PRELID2: variants seen among roughly 807,000 people sequenced by gnomAD.
PRELID2 encodes PRELI domain containing 2.
PRELID2 carries 25 observed loss-of-function variants against 28.4 expected under a neutral mutation model. The observed-to-expected ratio is 0.88, with a 90% CI of 0.64 to 1.23. The LOEUF is 1.23. Among genes scored for constraint, PRELID2 ranks in the 50% most tolerant of loss-of-function variants. PRELID2 has a pLI of 0.00. For missense variants in PRELID2, 201 were observed against 214.4 expected, an observed-to-expected ratio of 0.94 and a Z score of 0.39; for synonymous variants, 76 against 71.6, an observed-to-expected ratio of 1.06 and a Z score of -0.31.
At chr5:145,710,591 C>T (rs905817049) in intron 1 of PRELID2, among the ~76,000 whole-genome samples, 1 of 152,212 alleles carries the variant, frequency 6.6e-6, no homozygotes. Flanking sequence ...GAACTATTCT[C>T]TCCCAAGAAA....
chr5:145,713,666 TGTGTGTATATATATATACACAC>T (rs1755766229), intron 1 of PRELID2, among the ~76,000 whole-genome samples: 1 of 96,620 alleles, frequency 1.0e-5, no homozygotes, highest in Non-Finnish European at 2.0e-5. Context: ...GTATATATAG[TGTGTGTATATATATATACACAC>T]ACTATATATA....
rs1561566829 is a variant in PRELID2 at position 145,740,841 on chromosome 5, G to GTATATATATTTATCT, written n.70+24089_70+24090insAGATAAATATATATA. 1.8e-3 allele frequency among the ~76,000 whole-genome samples: 59 copies of GTATATATATTTATCT among 32,834 alleles called. 4 individuals carry two copies. Among genetic ancestry groups the GTATATATATTTATCT allele is most frequent in the African/African-American group, 6.9e-3 (50 of 7,256 alleles). 21.5% of individuals were successfully genotyped at this position (32,834 alleles called of 152,430 possible). A position where few individuals can be genotyped will look rare whatever the true frequency, so the allele number is the denominator to read the frequency against. ...ACATATATACAAATATATATTTATC[G>GTATATATATTTATCT]ATAAATATATATGTACATATATTTA... On this transcript the variant is annotated intron_variant and non_coding_transcript_variant, in intron 1 of 2. Transcript: ENST00000510259.
chr5:145,385,689 AT>A, the PRELID2 span, among the ~76,000 whole-genome samples: 1 of 152,152 alleles, frequency 6.6e-6, no homozygotes, highest in Non-Finnish European at 1.5e-5. Flanking sequence ...CCAGACAATT[AT>A]TGCATTTTGT....
the PRELID2 span, among the ~76,000 whole-genome samples, chr5:145,359,916 T>A: frequency 2.0e-5 from 3 of 152,146 alleles, no homozygotes; most frequent in Non-Finnish European, 2.9e-5. Flanking sequence ...ATGTTCACAG[T>A]GAGGTTCAAT....
At chr5:145,710,466 T>C (rs1479060253) in intron 1 of PRELID2, among the ~76,000 whole-genome samples, 1 of 152,214 alleles carries the variant, frequency 6.6e-6, no homozygotes, top group Non-Finnish European at 1.5e-5. Flanking sequence ...AAGATTCTTC[T>C]AGCTCTAAGA....
chr5:145,699,876 T>C (rs1252266275), intron 1 of PRELID2, among the ~76,000 whole-genome samples: 1 of 152,196 alleles, frequency 6.6e-6, no homozygotes, highest in Non-Finnish European at 1.5e-5. Context: ...TGGTGTTTGG[T>C]GTTTCTCGCT....
At chr5:145,329,971 T>G in the PRELID2 span, among the ~76,000 whole-genome samples, 1 of 152,164 alleles carries the variant, frequency 6.6e-6, no homozygotes, top group African/African-American at 2.4e-5. Context: ...CCTAGTTTAT[T>G]GAGAGTTTTT....
the PRELID2 span, among the ~76,000 whole-genome samples, chr5:145,239,109 G>A: frequency 1.1e-4 from 16 of 152,104 alleles, no homozygotes; most frequent in South Asian, 3.1e-3. Flanking sequence ...AGCTCTACGA[G>A]GGCAAGTACT....
chr5:145,605,200 G>GT (rs1248545583), intron 1 of PRELID2, among the ~76,000 whole-genome samples: 1 of 151,778 alleles, frequency 6.6e-6, no homozygotes, highest in Non-Finnish European at 1.5e-5. Flanking sequence ...GTCAATTTTT[G>GT]TATTTGTTGC....
At chr5:145,404,955 T>C in the PRELID2 span, among the ~76,000 whole-genome samples, 1 of 152,126 alleles carries the variant, frequency 6.6e-6, no homozygotes, top group Non-Finnish European at 1.5e-5. Flanking sequence ...GGTAACTGGA[T>C]GGAGGCCCCG....
chr5:145,439,063 TTCCTTGGTGATCC>T, the PRELID2 span, among the ~76,000 whole-genome samples: 2 of 152,098 alleles, frequency 1.3e-5, no homozygotes. Context: ...TCAAAAACAC[TTCCTTGGTGATCC>T]TCCTTTACTT....
chr5:145,775,675 T>C (rs1170888516), intron 5 of PRELID2, among the ~76,000 whole-genome samples: 1 of 152,172 alleles, frequency 6.6e-6, no homozygotes, highest in Non-Finnish European at 1.5e-5. Context: ...CACTTCCCAC[T>C]AAAAGCCTTT....
intron 1 of PRELID2, among the ~76,000 whole-genome samples, chr5:145,567,468 C>G (rs1752976932): frequency 6.6e-6 from 1 of 152,102 alleles, no homozygotes; most frequent in Admixed American, 6.6e-5. Flanking sequence ...AGCTCTGCCT[C>G]CTAGGTTCAA....
At chr5:145,558,656 C>T (rs960383699) in intron 1 of PRELID2, among the ~76,000 whole-genome samples, 6 of 152,214 alleles carry the variant, frequency 3.9e-5, no homozygotes, top group African/African-American at 2.4e-5. Context: ...AGCTACTCTT[C>T]CATAAAGCAG....
the PRELID2 span, among the ~76,000 whole-genome samples, chr5:145,411,807 C>T: frequency 6.6e-6 from 1 of 152,224 alleles, no homozygotes; most frequent in Non-Finnish European, 1.5e-5. Flanking sequence ...GACATCTAGA[C>T]ATTCCCATAC....
At chr5:145,721,392 A>G (rs1436385879) in intron 1 of PRELID2, among the ~76,000 whole-genome samples, 3 of 152,208 alleles carry the variant, frequency 2.0e-5, no homozygotes, top group Non-Finnish European at 2.9e-5. Flanking sequence ...GGCAAGCCAG[A>G]GAATAAAGGC....
At chr5:145,543,347 GTTTC>G (rs776710927) in intron 1 of PRELID2, among the ~76,000 whole-genome samples, 16 of 151,948 alleles carry the variant, frequency 1.1e-4, no homozygotes, top group Non-Finnish European at 2.2e-4. Context: ...TTATTTATTT[GTTTC>G]TTTCTTCCAA....
intron 5 of PRELID2, chr5:145,795,594 T>C (rs1264810963): frequency 6.6e-6 from 1 of 152,016 alleles, no homozygotes; most frequent in African/African-American, 2.4e-5. Context: ...GTTAATTCTA[T>C]CCCACAAAAC....
chr5:145,451,731 C>G, the PRELID2 span, among the ~76,000 whole-genome samples: 1 of 152,198 alleles, frequency 6.6e-6, no homozygotes, highest in Non-Finnish European at 1.5e-5. Context: ...ATTCCCTTGA[C>G]AGCTGCCTGC....
Sources: allele counts gnomAD v4.1 joint callset (sites outside exome capture counted in the v4.1 genomes callset), GRCh38; gene constraint gnomAD v4.1.1; transcripts MANE v1.5; gene names NCBI Gene and HGNC (gene_info 2026-07-23, HGNC 2026-07-21).